Variants in NRN1L observed in about 807,000 individuals in gnomAD.
NRN1L encodes the protein neuritin-like protein.
In NRN1L, 12 loss-of-function variants were observed where a neutral mutation model predicts 8.8. That is an observed-to-expected ratio of 1.36 (90% CI 0.87 to 2.20). The LOEUF (loss-of-function observed/expected upper bound fraction) is 2.20. Among genes scored for constraint, NRN1L ranks in the 30% most tolerant of loss-of-function variants. NRN1L has a pLI of 0.00. For missense variants in NRN1L, 266 were observed against 232.4 expected (o/e 1.14, Z -0.94); for synonymous variants, 114 against 99.2 (o/e 1.15, Z -0.88).
In NRN1L at chr16:67,885,713, C is replaced by CCCAAAAA; in HGVS notation, c.80-9_80-8insCCAAAAA. On this transcript the variant is annotated splice_polypyrimidine_tract_variant and intron_variant, in intron 1 of 2. Coordinates refer to ENST00000339176, the MANE Select transcript of NRN1L (RefSeq NM_198443.2). ...TTCCTTCCCCACCCCACCCCCGCCCCACTTCTAGTCCTTTTACCTCCCCTG... is the reference window on the plus strand; with the variant it reads ...TTCCTTCCCCACCCCACCCCCGCCCCCCAAAAAACTTCTAGTCCTTTTACCTCCCCTG... The CCCAAAAA allele has an allele frequency of 2.0e-6, 3 of 1,509,790 alleles. No individual in the cohort carries two copies. The highest frequency in any genetic ancestry group is 2.7e-6 in the Non-Finnish European group (3 of 1,104,164). The allele number at this position is 1,509,790 out of a possible 1,614,324, so 93.5% of individuals were successfully genotyped here.
At chr16:67,887,584 CTTTT>C (rs754203845), downstream of NRN1L, among the ~76,000 whole-genome samples, 1 of 138,650 alleles carries the variant, frequency 7.2e-6, no homozygotes. Context: ...TCTTTACTTT[CTTTT>C]TTTTTTTTTT....
At position 67,885,750 on chromosome 16, in the gene NRN1L, A is replaced by G. The variant is rs756936016; in HGVS notation, c.108A>G (p.Ala36=). The G allele has an allele frequency of 6.8e-7, 1 of 1,478,190 alleles. No homozygotes were observed. 91.6% of individuals were successfully genotyped at this position (1,478,190 alleles called of 1,614,324 possible). A position where few individuals can be genotyped will look rare whatever the true frequency, so the allele number is the denominator to read the frequency against. ...LVLLPPLAAA[A]AGPNRCDTIY... Reference sequence around the variant, plus strand: ...TTTTACCTCCCCTGGCAGCAGCTGCAGCGGGCCCAAACCGATGTGACACCA... The same window carrying G: ...TTTTACCTCCCCTGGCAGCAGCTGCGGCGGGCCCAAACCGATGTGACACCA... Residue 36 remains alanine, a synonymous_variant, in exon 2 of 3, where the codon GCA becomes GCG. Transcript: ENST00000339176.
In NRN1L at chr16:67,885,703, A is replaced by AC; in HGVS notation, c.80-14dup. ...CTATCTACCATTCCTTCCCCACCCC[A>AC]CCCCCGCCCCACTTCTAGTCCTTTT... On this transcript the variant is annotated intron_variant, in intron 1 of 2. Transcript: ENST00000339176. The AC allele has an allele frequency of 4.7e-6, 3 of 635,096 alleles. No individual in the cohort carries two copies. The highest frequency in any genetic ancestry group is 2.3e-5 in the South Asian group (1 of 43,680). 39.3% of individuals were successfully genotyped at this position (635,096 alleles called of 1,614,324 possible). A position where few individuals can be genotyped will look rare whatever the true frequency, so the allele number is the denominator to read the frequency against.
At position 67,885,865 on chromosome 16, in the gene NRN1L, G is replaced by A; in HGVS notation, c.212+11G>A. 1.9e-6 allele frequency: 3 copies of A among 1,570,114 alleles called. No individual in the cohort carries two copies. The highest frequency in any genetic ancestry group is 2.6e-6 in the Non-Finnish European group (3 of 1,157,536). ...GGAGACCATCTGCAGGTACCGGCGG[G>A]TGTGAGGCAGTGGCCCAACCTGTGC... On this transcript the variant is annotated intron_variant, in intron 2 of 2. Coordinates refer to ENST00000339176, the MANE Select transcript of NRN1L (RefSeq NM_198443.2).
At position 67,885,806 on chromosome 16, in the gene NRN1L, G is replaced by A. The variant is rs767224452; in HGVS notation, c.164G>A (p.Arg55His). Reference sequence around the variant, plus strand: ...CAGGGCTTCGCCGAGTGTCTCATCCGCTTGGGGGACAGCATGGGCCGCGGA... The same window carrying A: ...CAGGGCTTCGCCGAGTGTCTCATCCACTTGGGGGACAGCATGGGCCGCGGA... ...IYQGFAECLI[R>H]LGDSMGRGGE... Residue 55 changes from arginine (R) to histidine (H), a missense_variant, in exon 2 of 3, where the codon CGC (arginine) becomes CAC (histidine). Physicochemically the swap from Arg to His is conservative, Grantham distance 29. Coordinates refer to ENST00000339176, the MANE Select transcript of NRN1L (RefSeq NM_198443.2). 1.3e-5 allele frequency: 20 copies of A among 1,585,396 alleles called. No homozygotes were observed. Among genetic ancestry groups the A allele is most frequent in the South Asian group, 1.2e-4 (10 of 86,422 alleles).
chr16:67,886,091 C>T lies in NRN1L; in HGVS notation c.330C>T (p.Asn110=), dbSNP rs1293770134. 6.2e-7 allele frequency: 1 copy of T among 1,613,334 alleles called. No homozygotes were observed. Among genetic ancestry groups the T allele is most frequent in the Non-Finnish European group, 8.5e-7 (1 of 1,179,814 alleles). ...CTCGCCAGGCCCCCCGTCCGAATAACTTGCACACTCTGTGCGGTGCCCCGG... is the reference window on the plus strand; with the variant it reads ...CTCGCCAGGCCCCCCGTCCGAATAATTTGCACACTCTGTGCGGTGCCCCGG... ...QEARQAPRPN[N]LHTLCGAPVH... is the part of the protein sequence containing the mutation. Residue 110 remains asparagine (N), a synonymous_variant, in exon 3 of 3, where the codon AAC becomes AAT. Transcript: ENST00000339176.
In NRN1L at chr16:67,886,162, C is replaced by G; in HGVS notation, c.401C>G (p.Thr134Arg). Reference protein sequence around the residue: ...RGTGSETNQETLRATAPALPM... With the variant: ...RGTGSETNQERLRATAPALPM... ...ACAGGCTCCGAAACCAACCAGGAGA[C>G]GCTGCGGGCTACAGCGCCTGCACTC... The change falls in exon 3 of 3, where the codon ACG becomes AGG. Residue 134 changes from threonine to arginine, a missense_variant. Thr to Arg is a moderately conservative substitution (Grantham distance 71, BLOSUM62 -1). Coordinates refer to ENST00000339176, the MANE Select transcript of NRN1L (RefSeq NM_198443.2). The G allele has an allele frequency of 1.9e-6, 3 of 1,608,570 alleles. No individual in the cohort carries two copies. The highest frequency in any genetic ancestry group is 2.5e-6 in the Non-Finnish European group (3 of 1,179,572).
chr16:67,887,434 G>A (rs535053035), downstream of NRN1L, among the ~76,000 whole-genome samples: 10 of 151,496 alleles, frequency 6.6e-5, no homozygotes, highest in South Asian at 1.5e-3. Context: ...CACCATGCCC[G>A]ACTAATTTTA....
chr16:67,884,934 T>C lies in NRN1L; in HGVS notation c.31T>C (p.Cys11Arg), dbSNP rs771645336. The change falls in exon 1 of 3, where the codon TGC becomes CGC. Residue 11 changes from cysteine (C) to arginine (R), a missense_variant. By Grantham distance (180) the Cys-to-Arg change is radical (BLOSUM62 -3). Coordinates refer to ENST00000339176, the MANE Select transcript of NRN1L (RefSeq NM_198443.2). This position sits in a 1 kb window ranked among gnomAD's most constrained non-coding sequence, Gnocchi z 4.1. The part of the protein sequence containing the change: MMRCCRRRCC[C>R]RQPPHALRPL... ...GCGCTGCTGCCGCCGCCGCTGCTGCTGCCGGCAACCACCCCATGCCCTGAG... is the reference window on the plus strand; with the variant it reads ...GCGCTGCTGCCGCCGCCGCTGCTGCCGCCGGCAACCACCCCATGCCCTGAG... The C allele has an allele frequency of 2.1e-5, 34 of 1,607,402 alleles. No individual in the cohort carries two copies. Among genetic ancestry groups the C allele is most frequent in the Non-Finnish European group, 2.9e-5 (34 of 1,179,588 alleles).
chr16:67,884,974 T>C lies in NRN1L; in HGVS notation c.71T>C (p.Leu24Pro). The change falls in exon 1 of 3, where the codon CTG becomes CCG. Residue 24 changes from leucine to proline, a missense_variant. By Grantham distance (98) the Leu-to-Pro change is moderately conservative. Transcript: ENST00000339176. This position sits in a 1 kb window ranked among gnomAD's most constrained non-coding sequence, Gnocchi z 4.1. ...CATGCCCTGAGGCCGTTGCTGTTGC[T>C]GCCCCTCGGTGAGTGCGGGCATCCG... ...PPHALRPLLL[L>P]PLVLLPPLAA... 3 of 1,607,906 alleles carry C rather than the reference T, an allele frequency of 1.9e-6. No individual in the cohort carries two copies. The highest frequency in any genetic ancestry group is 2.5e-6 in the Non-Finnish European group (3 of 1,179,608).
At chr16:67,885,238 A>G in intron 1 of NRN1L, 1 of 588,888 alleles carries the variant, frequency 1.7e-6, no homozygotes, top group East Asian at 2.8e-5. Flanking sequence ...GACCAGTCGT[A>G]GGATCCCTAA....
chr16:67,885,231 C>G, intron 1 of NRN1L: 1 of 593,464 alleles, frequency 1.7e-6, no homozygotes, highest in East Asian at 2.8e-5. Context: ...ACTTATAGAC[C>G]AGTCGTAGGA....
chr16:67,885,147 A>G, intron 1 of NRN1L, 165 bp downstream of exon 1: 1 of 623,814 alleles, frequency 1.6e-6, no homozygotes, highest in Non-Finnish European at 2.8e-6. Flanking sequence ...AGGCACAAAC[A>G]GCCCCAGTTA....
intron 1 of NRN1L, 74 bp from the exon 2 acceptor site, chr16:67,885,648 C>G: frequency 7.9e-7 from 1 of 1,258,118 alleles, no homozygotes; most frequent in Non-Finnish European, 1.1e-6. Flanking sequence ...AAACAAGCCC[C>G]TGGGGGCTGG....
At chr16:67,887,726 G>A (rs1215374207), downstream of NRN1L, among the ~76,000 whole-genome samples, 3 of 152,046 alleles carry the variant, frequency 2.0e-5, no homozygotes, top group South Asian at 4.1e-4. Flanking sequence ...TGGACTACAG[G>A]CGCCCGCCAC....
rs2058096638 is a variant in NRN1L, at chr16:67,886,334, A to T, written c.*75A>T. 1.6e-6 allele frequency: 2 copies of T among 1,275,246 alleles called. No homozygotes were observed. The highest frequency in any genetic ancestry group is 2.8e-5 in the Admixed American group (1 of 36,034). 79.0% of individuals were successfully genotyped at this position (1,275,246 alleles called of 1,614,324 possible). On this transcript the variant is annotated 3_prime_UTR_variant, in exon 3 of 3. Transcript: ENST00000339176. ...TGGTTGTCCAGGCTCTGCAGAGCGC[A>T]GCAGGGCTTTTCATTAAAGGTATTT...
downstream of NRN1L, among the ~76,000 whole-genome samples, chr16:67,887,876 G>A (rs868823707): frequency 1.2e-4 from 18 of 152,246 alleles, no homozygotes; most frequent in Middle Eastern, 3.4e-3. Flanking sequence ...CACCGCGCCC[G>A]GCCTATTCTT....
Position 67,886,209 on chromosome 16 carries a change from C to G in NRN1L, c.448C>G (p.Leu150Val). The part of the protein sequence containing the change: ...PALPMAPAPP[L>V]LAAALALAYL... ...ACTCCCCATGGCCCCTGCGCCCCCA[C>G]TGCTGGCGGCTGCTCTGGCTCTGGC... is the stretch of plus-strand genomic sequence containing the variant. Residue 150 changes from leucine to valine, a missense_variant, in exon 3 of 3, where the codon CTG (leucine) becomes GTG (valine). Leu to Val is a conservative substitution (Grantham distance 32). Transcript: ENST00000339176. The G allele has an allele frequency of 6.2e-7, 1 of 1,600,258 alleles. No homozygotes were observed. The highest frequency in any genetic ancestry group is 8.5e-7 in the Non-Finnish European group (1 of 1,178,908).
downstream of NRN1L, among the ~76,000 whole-genome samples, chr16:67,887,728 G>A (rs911247845): frequency 6.6e-5 from 10 of 151,928 alleles, no homozygotes; most frequent in Admixed American, 1.3e-4. Flanking sequence ...GACTACAGGC[G>A]CCCGCCACCA....
Sources: gnomAD v4.1 joint callset for allele counts (sites outside exome capture counted in the v4.1 genomes callset) on GRCh38, gnomAD v4.1.1 for gene constraint, Gnocchi (gnomAD v3.1) non-coding constraint, MANE v1.5 for transcripts, NCBI Gene and HGNC (gene_info 2026-07-23, HGNC 2026-07-21) for gene names.